Variants in OTUD4 observed in about 807,000 individuals in gnomAD.
The protein encoded by OTUD4 is OTU deubiquitinase 4.
Under a neutral mutation model 130.4 loss-of-function variants are expected in OTUD4, and 24 were observed. The ratio of observed to expected loss-of-function variants is 0.18; its 90% CI spans 0.13 to 0.26. The LOEUF (loss-of-function observed/expected upper bound fraction) is 0.26. Ranked by LOEUF, OTUD4 falls within the 10% of genes least tolerant of loss-of-function variation. The pLI, the probability that OTUD4 is intolerant of heterozygous loss-of-function variation, is 1.00. For synonymous variants in OTUD4, 420 were observed against 472.5 expected, an observed-to-expected ratio of 0.89 and a Z score of 1.44; for missense variants, 1,031 against 1,329.4, an observed-to-expected ratio of 0.78 and a Z score of 3.49.
intron 19 of OTUD4, 139 bp downstream of exon 19, chr4:145,141,240 T>C (rs1472083872): frequency 1.4e-5 from 6 of 441,204 alleles, no homozygotes; most frequent in East Asian, 3.6e-5. Context: ...GACTGACTAA[T>C]AGCTAAAACT....
In OTUD4 at chr4:145,137,302, T is replaced by A. The variant is rs1750321896; in HGVS notation, c.*128A>T. The A allele has an allele frequency of 1.3e-6, 1 of 741,662 alleles. No homozygotes were observed. Among genetic ancestry groups the A allele is most frequent in the Non-Finnish European group, 2.2e-6 (1 of 446,966 alleles). 45.9% of individuals were successfully genotyped at this position (741,662 alleles called of 1,614,324 possible). Reference sequence around the variant, plus strand: ...CAAAATGTCTTGTCCAGTATGGGAGTGAAGGTAAGGGGGGCTGGGGAGAGG... The same window carrying A: ...CAAAATGTCTTGTCCAGTATGGGAGAGAAGGTAAGGGGGGCTGGGGAGAGG... On this transcript the variant is annotated 3_prime_UTR_variant, in exon 21 of 21. Transcript: ENST00000447906.
intron 19 of OTUD4, among the ~76,000 whole-genome samples, chr4:145,140,876 A>AT (rs1750527510): frequency 6.6e-6 from 1 of 152,052 alleles, no homozygotes; most frequent in East Asian, 1.9e-4. Flanking sequence ...ACAAAAAAAA[A>AT]TTTTCTGGGC....
At position 145,158,436 on chromosome 4, in the gene OTUD4, C is replaced by T. The variant is rs531420325; in HGVS notation, c.629+1067G>A. On this transcript the variant is annotated intron_variant, in intron 7 of 20. Transcript: ENST00000447906. ...GGCAGAGCTTGCAGTAAGCCGAGAT[C>T]GCACCACTGCACTCCAGCCTGAGCA... 2.0e-5 allele frequency among the ~76,000 whole-genome samples: 3 copies of T among 151,174 alleles called. No homozygotes were observed. In the East Asian group the frequency reaches 5.8e-4, roughly 29 times the overall value.
intron 13 of OTUD4, among the ~76,000 whole-genome samples, chr4:145,146,924 C>T (rs1750853932): frequency 1.3e-5 from 2 of 152,150 alleles, no homozygotes; most frequent in Admixed American, 1.3e-4. Context: ...GTTTATGACA[C>T]CACCAAGGGA....
intron 20 of OTUD4, among the ~76,000 whole-genome samples, chr4:145,139,343 T>C (rs985786104): frequency 6.6e-6 from 1 of 152,210 alleles, no homozygotes; most frequent in Non-Finnish European, 1.5e-5. Flanking sequence ...AGTTTAACTG[T>C]CTAGAACCCA....
rs779841632 is a variant in OTUD4, at chr4:145,171,666, A to G, written c.294+4T>C. 2.4e-6 allele frequency: 3 copies of G among 1,255,376 alleles called. No individual in the cohort carries two copies. Among genetic ancestry groups the G allele is most frequent in the Non-Finnish European group, 3.5e-6 (3 of 857,248 alleles). 77.8% of individuals were successfully genotyped at this position (1,255,376 alleles called of 1,614,324 possible). A position where few individuals can be genotyped will look rare whatever the true frequency, so the allele number is the denominator to read the frequency against. Reference sequence around the variant, plus strand: ...TAGAAATATACTAGAAGACTGTGACATACCTGTGGATTTTCCAAACGCTTT... The same window carrying G: ...TAGAAATATACTAGAAGACTGTGACGTACCTGTGGATTTTCCAAACGCTTT... On this transcript the variant is annotated splice_donor_region_variant and intron_variant, in intron 3 of 20. Transcript: ENST00000447906.
intron 5 of OTUD4, among the ~76,000 whole-genome samples, chr4:145,163,019 A>G (rs3775802): frequency 0.093 from 14,152 of 152,278 alleles, 792 homozygotes; most frequent in South Asian, 0.18. Flanking sequence ...AGACACTGTA[A>G]GAAAATATTT....
At chr4:145,150,738 T>C (rs748413119) in intron 12 of OTUD4, 39 bp from the exon 13 acceptor site, 4 of 1,607,340 alleles carry the variant, frequency 2.5e-6, no homozygotes, top group African/African-American at 2.7e-5. Flanking sequence ...AATATTCATA[T>C]TATAAACAAT....
At chr4:145,158,752 T>C (rs1192060924) in intron 7 of OTUD4, among the ~76,000 whole-genome samples, 2 of 152,186 alleles carry the variant, frequency 1.3e-5, no homozygotes, top group Non-Finnish European at 2.9e-5. Context: ...ATAACTAATA[T>C]ACTGGATACC....
chr4:145,180,057 G>A lies in OTUD4; in HGVS notation c.-84C>T. ...CCGGCTGCTCGACGCCCCGGCCTGG[G>A]GCAGGCGGCGGCTCGGGCTGGGGCT... On this transcript the variant is annotated 5_prime_UTR_variant, in exon 1 of 21. Coordinates refer to ENST00000447906, the MANE Select transcript of OTUD4 (RefSeq NM_001366057.1). 8.9e-7 allele frequency: 1 copy of A among 1,121,560 alleles called. No individual in the cohort carries two copies. Among genetic ancestry groups the A allele is most frequent in the Non-Finnish European group, 1.1e-6 (1 of 903,412 alleles). 69.5% of individuals were successfully genotyped at this position (1,121,560 alleles called of 1,614,324 possible).
At position 145,155,492 on chromosome 4, in the gene OTUD4, G is replaced by T. The variant is rs764703383; in HGVS notation, c.809-17C>A. ...TTTGCTGAGCTGTTAAAAAAAAAAA[G>T]GTCAGTATAATATAAAGTTGACTTA... On this transcript the variant is annotated splice_polypyrimidine_tract_variant and intron_variant, in intron 9 of 20. Transcript: ENST00000447906. 33 of 1,583,852 alleles carry T rather than the reference G, an allele frequency of 2.1e-5. No homozygotes were observed. In the South Asian group the frequency reaches 3.5e-4, roughly 17 times the overall value.
At chr4:145,165,064 G>A in intron 4 of OTUD4, 87 bp downstream of exon 4, 1 of 693,980 alleles carries the variant, frequency 1.4e-6, no homozygotes, top group Non-Finnish European at 2.4e-6. Flanking sequence ...GTATAAAAGA[G>A]CTTTGCTATT....
chr4:145,177,518 A>G (rs1752484670), intron 1 of OTUD4, among the ~76,000 whole-genome samples: 1 of 152,248 alleles, frequency 6.6e-6, no homozygotes, highest in Non-Finnish European at 1.5e-5. Flanking sequence ...TAGTATGACA[A>G]ATATCTCTGC....
Position 145,138,288 on chromosome 4 carries a change from C to T in OTUD4, c.2487G>A (p.Glu829=), listed in dbSNP as rs36226998. 1.2e-6 allele frequency: 2 copies of T among 1,614,068 alleles called. No individual in the cohort carries two copies. Among genetic ancestry groups the T allele is most frequent in the Non-Finnish European group, 1.7e-6 (2 of 1,179,942 alleles). The change falls in exon 21 of 21, where the codon GAG becomes GAA. Residue 829 remains glutamate (E), a synonymous_variant. Coordinates refer to ENST00000447906, the MANE Select transcript of OTUD4 (RefSeq NM_001366057.1). The stretch of plus-strand genomic sequence containing the variant: ...GGAACATATTCTTGCCACTTAGTGA[C>T]TCTTCATAATCAGCATGCAGAAGCT... ...PGQLLHADYE[E]SLSGKNMFPQ... is the part of the protein sequence containing the mutation.
chr4:145,142,220 C>T lies in OTUD4; in HGVS notation c.1798G>A (p.Glu600Lys). Reference sequence around the variant, plus strand: ...CCTGTTGGTCCAAAAGTTGTAGGTTCACTTGGCCAGGCTGGCACAGTGGCT... The same window carrying T: ...CCTGTTGGTCCAAAAGTTGTAGGTTTACTTGGCCAGGCTGGCACAGTGGCT... ...LPATVPAWPS[E>K]PTTFGPTGVP... Residue 600 changes from glutamate (E) to lysine (K), a missense_variant, in exon 18 of 21, where the codon GAA becomes AAA. This residue lies in a region of OTUD4 where 900 missense variants were observed against 1,095.9 expected (regional missense o/e 0.82). Transcript: ENST00000447906. 1 of 1,613,886 alleles carries T rather than the reference C, an allele frequency of 6.2e-7. No individual in the cohort carries two copies. The highest frequency in any genetic ancestry group is 8.5e-7 in the Non-Finnish European group (1 of 1,179,890).
At chr4:145,157,131 C>T (rs1751331006) in intron 7 of OTUD4, among the ~76,000 whole-genome samples, 1 of 152,038 alleles carries the variant, frequency 6.6e-6, no homozygotes, top group Non-Finnish European at 1.5e-5. Flanking sequence ...ATGAAATGTA[C>T]AATCTGGTGA....
In OTUD4 at chr4:145,146,461, CATAAATAA is replaced by C. The variant is rs55722437; in HGVS notation, c.1260-40_1260-33del. ...AATAAAACATTCTTGTCAGAAAATA[CATAAATAA>C]ATAAATAAATAAATAAATAAAACAT... On this transcript the variant is annotated intron_variant, in intron 13 of 20. Transcript: ENST00000447906. 66 of 948,268 alleles carry C rather than the reference CATAAATAA, an allele frequency of 7.0e-5. 1 individual carries two copies. The highest frequency in any genetic ancestry group is 5.3e-4 in the African/African-American group (27 of 50,760). 58.7% of individuals were successfully genotyped at this position (948,268 alleles called of 1,614,324 possible).
At chr4:145,177,006 T>A (rs745942097) in intron 1 of OTUD4, among the ~76,000 whole-genome samples, 12 of 152,348 alleles carry the variant, frequency 7.9e-5, no homozygotes, top group African/African-American at 1.9e-4. Flanking sequence ...TATATTCTTA[T>A]ATATTCTAAG....
chr4:145,166,251 A>C (rs770793224), intron 3 of OTUD4, among the ~76,000 whole-genome samples: 1 of 152,164 alleles, frequency 6.6e-6, no homozygotes, highest in East Asian at 1.9e-4. Flanking sequence ...TCTTCAGGGT[A>C]AATGAAGGTA....
Sources: gnomAD v4.1 joint callset for allele counts (sites outside exome capture counted in the v4.1 genomes callset) on GRCh38, gnomAD v4.1.1 for gene constraint, gnomAD v4.1.1 regional missense constraint, MANE v1.5 for transcripts, NCBI Gene and HGNC (gene_info 2026-07-23, HGNC 2026-07-21) for gene names.